The following METTL15 variants were observed in gnomAD, a reference collection of about 807,000 sequenced individuals.
The protein encoded by METTL15 is 12S rRNA N(4)-cytidine methyltransferase METTL15.
In METTL15, 34 loss-of-function variants were observed where a neutral mutation model predicts 38.3. That is an observed-to-expected ratio of 0.89 (90% CI 0.68 to 1.18). METTL15 has a LOEUF of 1.18. Ranked by LOEUF, METTL15 falls within the 50% of genes most tolerant of loss-of-function variation. The probability of loss-of-function intolerance (pLI) is 0.00; values close to 1 mark genes in which losing one functional copy is unlikely to be tolerated. For missense variants in METTL15, 438 were observed against 498.4 expected, an observed-to-expected ratio of 0.88 and a Z score of 1.15; for synonymous variants, 162 against 170.9, an observed-to-expected ratio of 0.95 and a Z score of 0.41.
intron 5 of METTL15, among the ~76,000 whole-genome samples, chr11:28,408,486 CATT>C (rs759488957): frequency 6.6e-6 from 1 of 151,982 alleles, no homozygotes; most frequent in Non-Finnish European, 1.5e-5. Context: ...CTTCAGAAAT[CATT>C]ATAAGGAAAT....
intron 6 of METTL15, among the ~76,000 whole-genome samples, chr11:28,522,490 C>A (rs1851772477): frequency 6.6e-6 from 1 of 152,188 alleles, no homozygotes; most frequent in Non-Finnish European, 1.5e-5. Context: ...TTAGAGGAAG[C>A]CCATCAGCAT....
At chr11:28,349,270 G>A (rs1564903082) in intron 3 of METTL15, among the ~76,000 whole-genome samples, 1 of 1,434 alleles carries the variant, frequency 7.0e-4, no homozygotes, top group Non-Finnish European at 5.6e-3. Flanking sequence ...CCTGGGTGTG[G>A]CCAATCTGAT....
At chr11:28,429,049 CCTCT>C (rs1220923413) in intron 6 of METTL15, among the ~76,000 whole-genome samples, 1 of 152,112 alleles carries the variant, frequency 6.6e-6, no homozygotes, top group East Asian at 1.9e-4. Context: ...ACTGCTGCTA[CCTCT>C]CTCCTACATG....
intron 6 of METTL15, among the ~76,000 whole-genome samples, chr11:28,328,456 A>G (rs1054746600): frequency 6.6e-6 from 1 of 152,228 alleles, no homozygotes; most frequent in South Asian, 2.1e-4. Context: ...TGAAATGTGA[A>G]CTAAGGTGCC....
intron 4 of METTL15, among the ~76,000 whole-genome samples, chr11:28,216,634 C>T (rs1852886169): frequency 6.6e-6 from 1 of 151,908 alleles, no homozygotes; most frequent in Non-Finnish European, 1.5e-5. Flanking sequence ...CATATGTATA[C>T]ATGTGCCATG....
At chr11:28,167,967 G>A (rs938881213) in intron 3 of METTL15, among the ~76,000 whole-genome samples, 2 of 151,932 alleles carry the variant, frequency 1.3e-5, no homozygotes, top group African/African-American at 2.4e-5. Context: ...TAAAAGACAG[G>A]AATGCACCAG....
At chr11:28,384,883 C>G (rs1051311304) in intron 5 of METTL15, among the ~76,000 whole-genome samples, 1 of 152,116 alleles carries the variant, frequency 6.6e-6, no homozygotes, top group Non-Finnish European at 1.5e-5. Context: ...TTGCATTTCT[C>G]TAATGATTGG....
intron 3 of METTL15, among the ~76,000 whole-genome samples, chr11:28,192,131 G>T (rs948014361): frequency 6.6e-6 from 1 of 151,506 alleles, no homozygotes; most frequent in Admixed American, 6.6e-5. Flanking sequence ...TCATGTCTTT[G>T]GTATCTTGTG....
chr11:28,308,931 G>GATAA (rs1857176648), intron 6 of METTL15, among the ~76,000 whole-genome samples: 2 of 152,034 alleles, frequency 1.3e-5, no homozygotes, highest in Non-Finnish European at 2.9e-5. Flanking sequence ...TAGATAGATA[G>GATAA]ATAGGCAGGC....
chr11:28,470,822 C>T (rs532877297), intron 6 of METTL15, among the ~76,000 whole-genome samples: 39 of 152,152 alleles, frequency 2.6e-4, no homozygotes, highest in African/African-American at 5.5e-4. Context: ...ACATTTTCCA[C>T]GAAAAATTCC....
rs151208237 is a variant in METTL15, at chr11:28,300,617, A to T, written c.778+3686A>T. Among the ~76,000 whole-genome samples the T allele has an allele frequency of 3.4e-3, 524 of 152,310 alleles. 2 individuals are homozygous for T. The highest frequency in any genetic ancestry group is 8.1e-3 in the South Asian group (39 of 4,830). On this transcript the variant is annotated intron_variant, in intron 6 of 6. Transcript: ENST00000407364. Reference sequence around the variant, plus strand: ...TTGCAAATTATCAAAGCAGTAATTTATAAGCAACTTACAAGAGAATTCCAA... The same window carrying T: ...TTGCAAATTATCAAAGCAGTAATTTTTAAGCAACTTACAAGAGAATTCCAA...
chr11:28,166,917 C>T (rs1335854021), intron 3 of METTL15, among the ~76,000 whole-genome samples: 2 of 151,986 alleles, frequency 1.3e-5, no homozygotes, highest in African/African-American at 4.8e-5. Flanking sequence ...CCAGTGCACT[C>T]CAGCCTGTGT....
chr11:28,442,245 G>C (rs1403956367), intron 6 of METTL15, among the ~76,000 whole-genome samples: 2 of 152,094 alleles, frequency 1.3e-5, no homozygotes, highest in South Asian at 4.2e-4. Flanking sequence ...TAGTTATTTG[G>C]GAATTTGCTC....
At chr11:28,186,736 T>C (rs112355802) in intron 3 of METTL15, among the ~76,000 whole-genome samples, 355 of 151,278 alleles carry the variant, frequency 2.3e-3, no homozygotes, top group African/African-American at 8.1e-3. Flanking sequence ...AATTACCTTT[T>C]AATTTTACCA....
rs896380162 is a variant in METTL15, at chr11:28,110,386, A to C, written c.-33A>C. ...GGCCCGAGTTAGAGGCCAGCTGAGA[A>C]GTCTTCGTGCTTCAGGTGAGGAGAA... On this transcript the variant is annotated 5_prime_UTR_variant, in exon 2 of 7. Transcript: ENST00000407364. The C allele has an allele frequency of 1.3e-5, 2 of 152,278 alleles. No homozygotes were observed. Among genetic ancestry groups the C allele is most frequent in the African/African-American group, 4.8e-5 (2 of 41,458 alleles). The allele number at this position is 152,278 out of a possible 1,614,324, so 9.4% of individuals were successfully genotyped here.
At chr11:28,428,536 A>C (rs1850884835) in intron 6 of METTL15, among the ~76,000 whole-genome samples, 2 of 152,210 alleles carry the variant, frequency 1.3e-5, no homozygotes, top group African/African-American at 4.8e-5. Flanking sequence ...AGAGCTCTAG[A>C]TGTAAACCCA....
chr11:28,254,253 T>C (rs1854875919), intron 4 of METTL15, among the ~76,000 whole-genome samples: 1 of 152,222 alleles, frequency 6.6e-6, no homozygotes, highest in African/African-American at 2.4e-5. Flanking sequence ...TCTTTTTATA[T>C]ACCTGTTTGC....
chr11:28,531,225 C>T (rs909652005), downstream of METTL15, among the ~76,000 whole-genome samples: 30 of 151,908 alleles, frequency 2.0e-4, no homozygotes, highest in African/African-American at 5.3e-4. Context: ...TGACAAAAAC[C>T]ACCATCCATC....
chr11:28,394,815 T>C (rs1850551436), intron 5 of METTL15, among the ~76,000 whole-genome samples: 1 of 152,114 alleles, frequency 6.6e-6, no homozygotes, highest in Admixed American at 6.6e-5. Context: ...TGCTGATCTC[T>C]CTCCTGGACT....
Sources: gnomAD v4.1 joint callset for allele counts (sites outside exome capture counted in the v4.1 genomes callset) on GRCh38, gnomAD v4.1.1 for gene constraint, MANE v1.5 for transcripts, NCBI Gene and HGNC (gene_info 2026-07-23, HGNC 2026-07-21) for gene names.